SHROOM2: variants seen among roughly 807,000 people sequenced by gnomAD.
SHROOM2 encodes protein Shroom2.
Under a neutral mutation model 75.9 loss-of-function variants are expected in SHROOM2, and 33 were observed. The ratio of observed to expected loss-of-function variants is 0.43; its 90% CI spans 0.33 to 0.58. The LOEUF (loss-of-function observed/expected upper bound fraction) is 0.58, where lower values mean the gene tolerates loss of function less well. Among genes scored for constraint, SHROOM2 ranks in the 20% least tolerant of loss-of-function variants. The pLI, the probability that SHROOM2 is intolerant of heterozygous loss-of-function variation, is 0.04. For synonymous variants in SHROOM2, 655 were observed against 663.6 expected, an observed-to-expected ratio of 0.99 and a Z score of 0.20; for missense variants, 1,434 against 1,461.2, an observed-to-expected ratio of 0.98 and a Z score of 0.30.
intron 5 of SHROOM2, among the ~76,000 whole-genome samples, chrX:9,910,816 CA>C (rs201958775): frequency 2.8e-4 from 27 of 95,502 alleles, no homozygotes; most frequent in South Asian, 5.0e-4. Flanking sequence ...GACTCCATCT[CA>C]AAAAAAAAAA....
chrX:9,801,132 A>G (rs1486275732), intron 1 of SHROOM2, among the ~76,000 whole-genome samples: 1 of 111,827 alleles, frequency 8.9e-6, no homozygotes, highest in Non-Finnish European at 1.9e-5. Context: ...GATGTCTTAC[A>G]TGGCAGCAGG....
At chrX:9,875,110 A>AAAAAAAAAAAAAAAAAAAG (rs2084192753) in intron 2 of SHROOM2, among the ~76,000 whole-genome samples, 7 of 93,116 alleles carry the variant, frequency 7.5e-5, no homozygotes, top group Admixed American at 1.2e-4. Flanking sequence ...AAAAAAAAAA[A>AAAAAAAAAAAAAAAAAAAG]GGGGAGGAAG....
intron 6 of SHROOM2, among the ~76,000 whole-genome samples, chrX:9,936,809 A>G (rs1296895902): frequency 8.9e-6 from 1 of 112,415 alleles, no homozygotes; most frequent in Admixed American, 9.4e-5. Context: ...TTGCATTATC[A>G]TCTGCGGAAT....
At chrX:9,900,078 G>A (rs2147022466) in intron 5 of SHROOM2, among the ~76,000 whole-genome samples, 1 of 111,309 alleles carries the variant, frequency 9.0e-6, no homozygotes, top group East Asian at 2.8e-4. Context: ...AGGAAGCGGG[G>A]CCCCCTGCTT....
At chrX:9,877,554 G>C (rs913271589) in intron 2 of SHROOM2, among the ~76,000 whole-genome samples, 1 of 111,688 alleles carries the variant, frequency 9.0e-6, no homozygotes. Context: ...GTATGTGTGT[G>C]TCCAGTTTTT....
chrX:9,896,610 T>A lies in SHROOM2; in HGVS notation c.2702T>A (p.Ile901Asn), dbSNP rs150824034. The A allele has an allele frequency of 4.7e-5, 57 of 1,208,566 alleles. No individual in the cohort carries two copies. The highest frequency in any genetic ancestry group is 6.1e-5 in the Non-Finnish European group (55 of 894,333). ...GGGCGCTGCCACTCAGCGGATGACA[T>A]CCTGGATGTGAGCCTGGACCCACAG... ...SSGRCHSADD[I>N]LDVSLDPQER... The change falls in exon 4 of 10, where the codon ATC (isoleucine) becomes AAC (asparagine). Residue 901 changes from isoleucine (I) to asparagine (N), a missense_variant. Ile to Asn is a moderately radical substitution (Grantham distance 149). Around this residue, in one of 3 missense-constraint regions of SHROOM2, gnomAD observed 1,340 missense variants for 1,338.3 expected, o/e 1.00. Transcript: ENST00000380913.
intron 5 of SHROOM2, among the ~76,000 whole-genome samples, chrX:9,919,550 T>C (rs1265941141): frequency 1.8e-5 from 2 of 109,165 alleles, no homozygotes; most frequent in Non-Finnish European, 3.8e-5. Context: ...CAGGATGGTC[T>C]TGATCTCCTG....
At chrX:9,787,972 C>G (rs866377940) in intron 1 of SHROOM2, among the ~76,000 whole-genome samples, 4 of 90,543 alleles carry the variant, frequency 4.4e-5, no homozygotes, top group Non-Finnish European at 8.9e-5. Flanking sequence ...TATTTCTTTT[C>G]TTTTCTTTCT....
chrX:9,885,417 G>A (rs896516080), intron 2 of SHROOM2, among the ~76,000 whole-genome samples: 6 of 110,154 alleles, frequency 5.4e-5, no homozygotes, highest in African/African-American at 2.0e-4. Context: ...GGGGCTGAAG[G>A]TCCTCCCCAC....
intron 1 of SHROOM2, among the ~76,000 whole-genome samples, chrX:9,828,685 G>A (rs1223802228): frequency 1.8e-5 from 2 of 108,642 alleles, no homozygotes; most frequent in East Asian, 3.0e-4. Context: ...GGCTGGTCTC[G>A]AATTCCTGGG....
chrX:9,796,335 A>T (rs998190713), intron 1 of SHROOM2, among the ~76,000 whole-genome samples: 2 of 110,434 alleles, frequency 1.8e-5, no homozygotes, highest in Non-Finnish European at 3.8e-5. Flanking sequence ...AGGTGGGAGG[A>T]TCGCTTTGAG....
chrX:9,828,538 G>C (rs771638937), intron 1 of SHROOM2, among the ~76,000 whole-genome samples: 2 of 111,606 alleles, frequency 1.8e-5, no homozygotes, highest in African/African-American at 3.3e-5. Context: ...CTGGAGACCA[G>C]TGGCATGATG....
chrX:9,855,602 T>C (rs1380561262), intron 1 of SHROOM2, among the ~76,000 whole-genome samples: 7 of 111,627 alleles, frequency 6.3e-5, no homozygotes, highest in Non-Finnish European at 7.5e-5. Context: ...AAGGACTGAG[T>C]ACAGTACAGG....
intron 2 of SHROOM2, among the ~76,000 whole-genome samples, chrX:9,886,632 A>G: frequency 9.4e-6 from 1 of 105,969 alleles, no homozygotes; most frequent in Non-Finnish European, 1.9e-5. Context: ...GGCAACCACC[A>G]TTCTACTTTC....
At chrX:9,827,018 C>T (rs895670627) in intron 1 of SHROOM2, among the ~76,000 whole-genome samples, 4 of 110,024 alleles carry the variant, frequency 3.6e-5, no homozygotes, top group Admixed American at 2.9e-4. Context: ...GACTCCATTC[C>T]TCCAGTGCAG....
chrX:9,800,761 C>G (rs1454463461), intron 1 of SHROOM2, among the ~76,000 whole-genome samples: 1 of 108,159 alleles, frequency 9.2e-6, no homozygotes, highest in Admixed American at 1.0e-4. Context: ...AGTGATTCTA[C>G]CCCCAACCCT....
chrX:9,837,023 T>G (rs2083949906), intron 1 of SHROOM2, among the ~76,000 whole-genome samples: 2 of 112,432 alleles, frequency 1.8e-5, no homozygotes, highest in South Asian at 7.4e-4. Context: ...TCGGGATTGA[T>G]CCACATTGCA....
chrX:9,943,103 A>G (rs761407683), intron 8 of SHROOM2, among the ~76,000 whole-genome samples: 14 of 109,969 alleles, frequency 1.3e-4, no homozygotes, highest in Non-Finnish European at 1.9e-4. Context: ...GTGCATGCCT[A>G]TGGTCCTAGC....
chrX:9,860,207 C>T (rs151238760), intron 1 of SHROOM2, among the ~76,000 whole-genome samples: 234 of 111,751 alleles, frequency 2.1e-3, no homozygotes, highest in African/African-American at 4.0e-3. Context: ...GCAGCCCTCA[C>T]GGCAAAGAAT....
Sources: gnomAD v4.1 joint callset for allele counts (sites outside exome capture counted in the v4.1 genomes callset) on GRCh38, gnomAD v4.1.1 for gene constraint, gnomAD v4.1.1 regional missense constraint, MANE v1.5 for transcripts, NCBI Gene and HGNC (gene_info 2026-07-23, HGNC 2026-07-21) for gene names.